Variants in TRABD2B observed in about 807,000 individuals in gnomAD.
TRABD2B encodes the protein metalloprotease TIKI2.
In TRABD2B, 14 loss-of-function variants were observed where a neutral mutation model predicts 40.1. The ratio of observed to expected loss-of-function variants is 0.35; its 90% CI spans 0.23 to 0.55. The LOEUF is 0.55. Among genes scored for constraint, TRABD2B ranks in the 20% least tolerant of loss-of-function variants. TRABD2B has a pLI of 0.90. For synonymous variants in TRABD2B, 263 were observed against 277.0 expected (o/e 0.95, Z 0.50); for missense variants, 541 against 648.6 (o/e 0.83, Z 1.80).
chr1:47,976,030 G>C (rs955086630), intron 2 of TRABD2B, among the ~76,000 whole-genome samples: 3 of 152,194 alleles, frequency 2.0e-5, no homozygotes, highest in Non-Finnish European at 2.9e-5. Context: ...GACCAGAAAA[G>C]ACCTTCCAGA....
In TRABD2B at chr1:47,874,305, C is replaced by CCGGACTG. The variant is rs565307658; in HGVS notation, c.667-72693_667-72687dup. Among the ~76,000 whole-genome samples the CCGGACTG allele has an allele frequency of 1.1e-3, 143 of 133,010 alleles. 1 individual carries two copies. The East Asian group carries it at 0.023, about 21-fold the overall frequency. 87.3% of individuals were successfully genotyped at this position (133,010 alleles called of 152,430 possible). On this transcript the variant is annotated intron_variant, in intron 2 of 6. Transcript: ENST00000606738. Reference sequence around the variant, plus strand: ...ACGGAGTCTCGCTCTGTCGCCCAGGCCGGACTGCGGACTGCGGACTGCAGT... The same window carrying CCGGACTG: ...ACGGAGTCTCGCTCTGTCGCCCAGGCCGGACTGCGGACTGCGGACTGCGGACTGCAGT...
chr1:47,914,190 C>T (rs1644799159), intron 2 of TRABD2B, among the ~76,000 whole-genome samples: 3 of 152,224 alleles, frequency 2.0e-5, no homozygotes, highest in Admixed American at 2.0e-4. Flanking sequence ...ACGTCGTGAG[C>T]CCCAGTCCCA....
In TRABD2B at chr1:47,909,151, G is replaced by A. The variant is rs79835221; in HGVS notation, c.666+84883C>T. Among the ~76,000 whole-genome samples the A allele has an allele frequency of 0.013, 1,934 of 152,312 alleles. 91 individuals carry two copies. The East Asian group carries it at 0.16, about 13-fold the overall frequency. ...ATAATAACTGACATCTATTAAATACGTGTGGACACGTTCTAATTTTCTCTT... is the reference window on the plus strand; with the variant it reads ...ATAATAACTGACATCTATTAAATACATGTGGACACGTTCTAATTTTCTCTT... On this transcript the variant is annotated intron_variant, in intron 2 of 6. Transcript: ENST00000606738.
At chr1:47,804,904 T>C (rs1280862793) in intron 2 of TRABD2B, among the ~76,000 whole-genome samples, 1 of 152,154 alleles carries the variant, frequency 6.6e-6, no homozygotes, top group Admixed American at 6.5e-5. Context: ...ACTTCCCTGG[T>C]TGATGTAAGG....
At chr1:47,968,258 T>G (rs888200349) in intron 2 of TRABD2B, among the ~76,000 whole-genome samples, 3 of 152,230 alleles carry the variant, frequency 2.0e-5, no homozygotes, top group Non-Finnish European at 4.4e-5. Context: ...CATTTCCTCA[T>G]GAATATGTAT....
At chr1:47,818,841 C>T (rs916399899) in intron 2 of TRABD2B, 4 of 152,228 alleles carry the variant, frequency 2.6e-5, no homozygotes, top group African/African-American at 9.7e-5. Flanking sequence ...ATTTCACATC[C>T]TCTGGGTTGT....
At chr1:47,892,873 C>T (rs527483282) in intron 2 of TRABD2B, among the ~76,000 whole-genome samples, 1 of 152,200 alleles carries the variant, frequency 6.6e-6, no homozygotes, top group African/African-American at 2.4e-5. Flanking sequence ...AGGTACAAAT[C>T]CAGTCTCCAG....
chr1:47,864,065 A>G (rs1423934670), intron 2 of TRABD2B, among the ~76,000 whole-genome samples: 1 of 152,230 alleles, frequency 6.6e-6, no homozygotes, highest in African/African-American at 2.4e-5. Context: ...CTATGGAAAC[A>G]ATAAAAAGAT....
intron 2 of TRABD2B, among the ~76,000 whole-genome samples, chr1:47,892,424 C>T (rs570710239): frequency 6.6e-6 from 1 of 152,284 alleles, no homozygotes; most frequent in South Asian, 2.1e-4. Context: ...TGTGTATTTG[C>T]CACCCAAGTG....
At chr1:47,801,340 A>T in intron 3 of TRABD2B, 133 bp downstream of exon 3, 2 of 992,956 alleles carry the variant, frequency 2.0e-6, no homozygotes, top group Non-Finnish European at 2.9e-6. Context: ...TCTGAGCCTC[A>T]ATTTCCCCAC....
chr1:47,861,602 A>G (rs555423288), intron 2 of TRABD2B, among the ~76,000 whole-genome samples: 72 of 152,356 alleles, frequency 4.7e-4, no homozygotes, highest in African/African-American at 1.7e-3. Context: ...CATTTCTACT[A>G]AAGAAATTGG....
At chr1:47,867,885 T>C (rs1644082991) in intron 2 of TRABD2B, among the ~76,000 whole-genome samples, 1 of 152,208 alleles carries the variant, frequency 6.6e-6, no homozygotes, top group Non-Finnish European at 1.5e-5. Context: ...AGATGAATCA[T>C]TGAAATCGAT....
chr1:47,782,050 C>T (rs1484905875), intron 4 of TRABD2B, among the ~76,000 whole-genome samples: 1 of 152,182 alleles, frequency 6.6e-6, no homozygotes, highest in African/African-American at 2.4e-5. Flanking sequence ...AGATCATCCA[C>T]CCTGATGGTT....
At chr1:47,909,524 G>A (rs1570265980) in intron 2 of TRABD2B, among the ~76,000 whole-genome samples, 1 of 146,522 alleles carries the variant, frequency 6.8e-6, no homozygotes, top group East Asian at 2.1e-4. Context: ...AGGGGGAGGA[G>A]AAGGAGAAGG....
At chr1:47,802,836 G>A (rs1173657818) in intron 2 of TRABD2B, among the ~76,000 whole-genome samples, 1 of 152,030 alleles carries the variant, frequency 6.6e-6, no homozygotes, top group East Asian at 1.9e-4. Flanking sequence ...CAAATCTGAT[G>A]ATTTCTCTCT....
intron 2 of TRABD2B, among the ~76,000 whole-genome samples, chr1:47,970,723 C>G (rs1218120237): frequency 6.6e-6 from 1 of 152,198 alleles, no homozygotes; most frequent in Non-Finnish European, 1.5e-5. Flanking sequence ...TTGGGGGTGA[C>G]TCTTCATTGT....
At chr1:47,783,413 A>G (rs573472002) in intron 4 of TRABD2B, among the ~76,000 whole-genome samples, 1 of 152,312 alleles carries the variant, frequency 6.6e-6, no homozygotes, top group African/African-American at 2.4e-5. Flanking sequence ...TTCACTGAGG[A>G]CATCAGGGAA....
intron 6 of TRABD2B, among the ~76,000 whole-genome samples, chr1:47,770,262 T>C (rs1644361017): frequency 6.6e-6 from 1 of 152,156 alleles, no homozygotes; most frequent in South Asian, 2.1e-4. Flanking sequence ...GCAGAGACCC[T>C]GTTGTGATGC....
chr1:47,915,216 G>A (rs1644814707), intron 2 of TRABD2B, among the ~76,000 whole-genome samples: 1 of 152,208 alleles, frequency 6.6e-6, no homozygotes, highest in African/African-American at 2.4e-5. Context: ...CAAAAGCAGG[G>A]AGGTGCAAGA....
Sources: gnomAD v4.1 joint callset for allele counts (sites outside exome capture counted in the v4.1 genomes callset) on GRCh38, gnomAD v4.1.1 for gene constraint, MANE v1.5 for transcripts, NCBI Gene and HGNC (gene_info 2026-07-23, HGNC 2026-07-21) for gene names.